KRTDAP: variants seen among roughly 807,000 people sequenced by gnomAD.
KRTDAP encodes the protein keratinocyte differentiation associated protein, also known as keratinocyte differentiation-associated protein.
Under a neutral mutation model 18.6 loss-of-function variants are expected in KRTDAP, and 14 were observed. The ratio of observed to expected loss-of-function variants is 0.75; its 90% CI spans 0.50 to 1.18. KRTDAP has a LOEUF of 1.18. Ranked by LOEUF, KRTDAP falls within the 50% of genes most tolerant of loss-of-function variation. KRTDAP has a pLI of 0.00. For synonymous variants in KRTDAP, 53 were observed against 49.5 expected, an observed-to-expected ratio of 1.07 and a Z score of -0.29; for missense variants, 114 against 121.3, an observed-to-expected ratio of 0.94 and a Z score of 0.28.
chr19:35,489,205 G>A (rs531681018), intron 1 of KRTDAP, among the ~76,000 whole-genome samples: 29 of 152,320 alleles, frequency 1.9e-4, no homozygotes, highest in Non-Finnish European at 3.2e-4. Context: ...AAAGATTTGC[G>A]AGCAGGTGGG....
At chr19:35,487,827 C>A in intron 4 of KRTDAP, 68 bp from the exon 5 acceptor site, 2 of 904,714 alleles carry the variant, frequency 2.2e-6, no homozygotes, top group South Asian at 2.7e-5. Flanking sequence ...GTAAGCATTC[C>A]CTTAATGAAC....
At chr19:35,488,932 C>G (rs1185067295) in intron 1 of KRTDAP, 92 bp from the exon 2 acceptor site, 9 of 1,216,144 alleles carry the variant, frequency 7.4e-6, no homozygotes, top group Non-Finnish European at 8.3e-6. Flanking sequence ...CCTTCATCCA[C>G]AGCCCAGTCC....
Position 35,488,465 on chromosome 19 carries a change from G to A in KRTDAP, c.189C>T (p.Phe63=). The change falls in exon 4 of 6, where the codon TTC becomes TTT. Residue 63 remains phenylalanine (F), a synonymous_variant. Transcript: ENST00000338897. ...KLRSAFKADE[F]LNWHALFESI... ...CCTCAAAGAGGGCGTGCCAGTTCAGGAACTCATCAGCCTTAAACGCCTGAG... is the reference window on the plus strand; with the variant it reads ...CCTCAAAGAGGGCGTGCCAGTTCAGAAACTCATCAGCCTTAAACGCCTGAG... 1.2e-6 allele frequency: 2 copies of A among 1,613,382 alleles called. No individual in the cohort carries two copies. The highest frequency in any genetic ancestry group is 1.7e-6 in the Non-Finnish European group (2 of 1,179,722).
intron 1 of KRTDAP, among the ~76,000 whole-genome samples, chr19:35,489,370 G>A (rs1175344631): frequency 6.6e-6 from 1 of 152,234 alleles, no homozygotes; most frequent in Non-Finnish European, 1.5e-5. Flanking sequence ...CCCCATGACA[G>A]AGCCCAACAC....
chr19:35,487,373 TG>T lies in KRTDAP; in HGVS notation c.*54del. On this transcript the variant is annotated 3_prime_UTR_variant, in exon 6 of 6. Coordinates refer to ENST00000338897, the MANE Select transcript of KRTDAP (RefSeq NM_207392.3). ...GAGTTCCTGAGGCAGGAAAGAGTTA[TG>T]GTAGGTTGAGAATCAGCGCTCACGC... The T allele has an allele frequency of 6.5e-7, 1 of 1,529,596 alleles. No individual in the cohort carries two copies. Among genetic ancestry groups the T allele is most frequent in the Non-Finnish European group, 9.1e-7 (1 of 1,102,146 alleles). 94.8% of individuals were successfully genotyped at this position (1,529,596 alleles called of 1,614,324 possible).
At chr19:35,488,269 C>A (rs1057511289) in intron 4 of KRTDAP, among the ~76,000 whole-genome samples, 172 bp downstream of exon 4, 2 of 152,196 alleles carry the variant, frequency 1.3e-5, no homozygotes, top group Non-Finnish European at 2.9e-5. Flanking sequence ...CCAGGACTGG[C>A]GCCGGGGGAA....
chr19:35,488,131 G>A lies in KRTDAP; in HGVS notation c.213+310C>T, dbSNP rs374048548. Among the ~76,000 whole-genome samples the A allele has an allele frequency of 2.6e-5, 4 of 152,360 alleles. No individual in the cohort carries two copies. The South Asian group carries it at 8.3e-4, about 32-fold the overall frequency. On this transcript the variant is annotated intron_variant, in intron 4 of 5. Transcript: ENST00000338897. ...CGCTGACTTTGCCTTCTAAGTGCGG[G>A]TGGGCCTCAGTTTTTCCATAGAGGA...
chr19:35,489,299 G>A (rs73928205), intron 1 of KRTDAP, among the ~76,000 whole-genome samples: 12,232 of 152,202 alleles, frequency 0.08, 807 homozygotes, highest in African/African-American at 0.18. Context: ...ACTGTTGGAG[G>A]TTCCATAATC....
rs761883165 is a variant in KRTDAP, at chr19:35,488,444, A to C, written c.210T>G (p.Phe70Leu). ...ADEFLNWHAL[F>L]ESIKRKLPFL... ...CAAGGGGCGCCGGAGCACTCACCTC[A>C]AAGAGGGCGTGCCAGTTCAGGAACT... The change falls in exon 4 of 6, where the codon TTT (phenylalanine) becomes TTG (leucine). Residue 70 changes from phenylalanine to leucine, a missense_variant. Coordinates refer to ENST00000338897, the MANE Select transcript of KRTDAP (RefSeq NM_207392.3). 1.2e-6 allele frequency: 2 copies of C among 1,612,806 alleles called. No individual in the cohort carries two copies. Among genetic ancestry groups the C allele is most frequent in the Admixed American group, 3.3e-5 (2 of 59,778 alleles).
At chr19:35,487,500 C>A (rs1418485650) in intron 5 of KRTDAP, 34 bp from the exon 6 acceptor site, 29 of 1,586,124 alleles carry the variant, frequency 1.8e-5, no homozygotes, top group Non-Finnish European at 2.4e-5. Flanking sequence ...AGATGGGGAA[C>A]CCGTGGGTGC....
rs1000258648 is a variant in KRTDAP at position 35,488,376 on chromosome 19, G to A, written c.213+65C>T. The A allele has an allele frequency of 2.6e-6, 4 of 1,537,228 alleles. No homozygotes were observed. The East Asian group carries it at 6.8e-5, about 26-fold the overall frequency. On this transcript the variant is annotated intron_variant, in intron 4 of 5. Transcript: ENST00000338897. ...CAACCCATACATTTAAAGCCAAAAT[G>A]TGTGGCCACTACCCTGGGATGACTG... is the stretch of plus-strand genomic sequence containing the variant.
intron 5 of KRTDAP, 57 bp downstream of exon 5, chr19:35,487,655 T>G (rs2067498528): frequency 6.9e-7 from 1 of 1,446,236 alleles, no homozygotes; most frequent in East Asian, 2.3e-5. Flanking sequence ...CTCCCATATC[T>G]TCTGCTTCTT....
intron 5 of KRTDAP, 110 bp downstream of exon 5, chr19:35,487,601 GT>G: frequency 8.5e-7 from 1 of 1,177,516 alleles, no homozygotes; most frequent in East Asian, 2.3e-5. Context: ...CCTCCCTTCA[GT>G]TTGGTGAGAA....
Position 35,487,429 on chromosome 19 carries a change from C to A in KRTDAP, c.299G>T (p.Ter100LeuextTer2). 6.2e-7 allele frequency: 1 copy of A among 1,614,004 alleles called. No individual in the cohort carries two copies. The highest frequency in any genetic ancestry group is 1.1e-5 in the South Asian group (1 of 91,030). ...GLRSATPDAQ[*>L] Reference sequence around the variant, plus strand: ...CCCCTCTTCCAGTGGAGGTCATGGTCACTGGGCATCAGGAGTTGCGCTCCT... The same window carrying A: ...CCCCTCTTCCAGTGGAGGTCATGGTAACTGGGCATCAGGAGTTGCGCTCCT... The change falls in exon 6 of 6, where the codon TGA (stop) becomes TTA (leucine). Residue 100 changes from the stop codon to leucine (L), a stop_lost. Transcript: ENST00000338897.
At chr19:35,488,341 G>T in intron 4 of KRTDAP, 100 bp downstream of exon 4, 1 of 1,232,628 alleles carries the variant, frequency 8.1e-7, no homozygotes, top group South Asian at 1.3e-5. Context: ...CCCTCCCAGA[G>T]ATCAGGAACC....
intron 1 of KRTDAP, 74 bp from the exon 2 acceptor site, chr19:35,488,914 C>T: frequency 6.4e-6 from 9 of 1,413,628 alleles, no homozygotes; most frequent in Non-Finnish European, 7.9e-6. Flanking sequence ...CCCTGTCTGC[C>T]AGCTCTGCCT....
chr19:35,488,357 A>C, intron 4 of KRTDAP, 84 bp downstream of exon 4: 1 of 1,404,954 alleles, frequency 7.1e-7, no homozygotes, highest in Non-Finnish European at 9.9e-7. Flanking sequence ...GAACCAACCC[A>C]TACATTTAAA....
At chr19:35,488,944 C>T (rs2067507917) in intron 1 of KRTDAP, 104 bp from the exon 2 acceptor site, 8 of 1,063,028 alleles carry the variant, frequency 7.5e-6, no homozygotes, top group East Asian at 2.4e-5. Flanking sequence ...GCCCAGTCCC[C>T]GAAAGAACGC....
rs752697220 is a variant in KRTDAP at position 35,490,411 on chromosome 19, A to C, written c.32T>G (p.Leu11Arg). Residue 11 changes from leucine (L) to arginine (R), a missense_variant, in exon 1 of 6, where the codon CTC becomes CGC. Physicochemically the swap from Leu to Arg is moderately radical, Grantham distance 102 (BLOSUM62 -2). Transcript: ENST00000338897. ...AGAGTGGAGCACCAGGAGGGAGAGG[A>C]GCACCACGGCAGGAAGGACCGGGAT... The part of the protein sequence containing the change: MKIPVLPAVV[L>R]LSLLVLHSAQ... 2 of 1,613,612 alleles carry C rather than the reference A, an allele frequency of 1.2e-6. No individual in the cohort carries two copies. Among genetic ancestry groups the C allele is most frequent in the Non-Finnish European group, 1.7e-6 (2 of 1,179,818 alleles).
Sources: gnomAD v4.1 joint callset for allele counts (sites outside exome capture counted in the v4.1 genomes callset) on GRCh38, gnomAD v4.1.1 for gene constraint, MANE v1.5 for transcripts, NCBI Gene and HGNC (gene_info 2026-07-23, HGNC 2026-07-21) for gene names.